Variants in RBPJ observed in about 807,000 individuals in gnomAD.
The protein encoded by RBPJ is recombining binding protein suppressor of hairless.
A neutral mutation model predicts 67.8 loss-of-function variants in RBPJ; 9 were observed. That is an observed-to-expected ratio of 0.13 (90% CI 0.08 to 0.23). The LOEUF is 0.23. Among genes scored for constraint, RBPJ ranks in the 10% least tolerant of loss-of-function variants. The pLI is 1.00. For synonymous variants in RBPJ, 198 were observed against 203.3 expected (o/e 0.97, Z 0.22); for missense variants, 305 against 595.6 (o/e 0.51, Z 5.08).
At chr4:26,135,714 G>A in the RBPJ span, among the ~76,000 whole-genome samples, 76,698 of 151,882 alleles carry the variant, frequency 0.5, 19,412 homozygotes, top group East Asian at 0.59. Flanking sequence ...TGAGGAGGAA[G>A]GGATGCTCAT....
At chr4:26,387,139 C>T (rs1365459066) in intron 2 of RBPJ, among the ~76,000 whole-genome samples, 1 of 152,116 alleles carries the variant, frequency 6.6e-6, no homozygotes, top group Non-Finnish European at 1.5e-5. Context: ...TTAATGGCTC[C>T]ATGGTTTTTC....
chr4:26,391,304 T>C (rs1450970969), intron 2 of RBPJ, among the ~76,000 whole-genome samples: 1 of 152,224 alleles, frequency 6.6e-6, no homozygotes, highest in Non-Finnish European at 1.5e-5. Flanking sequence ...AAGTAGACCA[T>C]TGTGACAGAA....
chr4:26,243,743 C>A (rs1328527682), intron 1 of RBPJ, among the ~76,000 whole-genome samples: 1 of 152,124 alleles, frequency 6.6e-6, no homozygotes, highest in African/African-American at 2.4e-5. Context: ...TATAACTTGT[C>A]AGATTTTAGT....
At chr4:26,258,791 ATTATTTAT>A (rs140692847) in intron 1 of RBPJ, among the ~76,000 whole-genome samples, 8 of 148,588 alleles carry the variant, frequency 5.4e-5, no homozygotes, top group Middle Eastern at 6.9e-3. Flanking sequence ...ACATTTTTTT[ATTATTTAT>A]TTATTTATTT....
intron 1 of RBPJ, among the ~76,000 whole-genome samples, chr4:26,273,741 A>AGGT (rs1720987241): frequency 6.6e-6 from 1 of 152,104 alleles, no homozygotes; most frequent in African/African-American, 2.4e-5. Flanking sequence ...GGGAAGTGGG[A>AGGT]GGTCTGTTTG....
At chr4:26,321,007 T>A (rs1408912124), upstream of RBPJ, 1 of 1,611,936 alleles carries the variant, frequency 6.2e-7, no homozygotes, top group Non-Finnish European at 8.5e-7. Flanking sequence ...AGGGTTGGAG[T>A]TTTGGCGAGA....
chr4:26,321,094 G>A, intron 1 of RBPJ, 46 bp downstream of exon 1: 3 of 1,480,178 alleles, frequency 2.0e-6, no homozygotes, highest in African/African-American at 1.4e-5. Flanking sequence ...AAAGTTGCGG[G>A]CGTCTGGCAG....
At chr4:26,194,284 C>T (rs1717673689) in intron 1 of RBPJ, among the ~76,000 whole-genome samples, 1 of 152,158 alleles carries the variant, frequency 6.6e-6, no homozygotes, top group Admixed American at 6.5e-5. Flanking sequence ...GAATCTGGTA[C>T]ATTTGAGCCC....
At chr4:26,320,670 C>T (rs999292419), upstream of RBPJ, 5 of 1,465,482 alleles carry the variant, frequency 3.4e-6, no homozygotes, top group African/African-American at 5.7e-5. Context: ...ATTCCTCGTC[C>T]CCGTAGTAAT....
At chr4:26,418,173 T>G (rs1471539503) in intron 4 of RBPJ, among the ~76,000 whole-genome samples, 1 of 152,232 alleles carries the variant, frequency 6.6e-6, no homozygotes, top group African/African-American at 2.4e-5. Context: ...CTTCTTTCTT[T>G]CAGGGAAATG....
chr4:26,173,002 G>A (rs1716650730), intron 1 of RBPJ, among the ~76,000 whole-genome samples: 1 of 152,164 alleles, frequency 6.6e-6, no homozygotes, highest in African/African-American at 2.4e-5. Flanking sequence ...CTGTCAGATT[G>A]TTTTCCTACT....
intron 1 of RBPJ, among the ~76,000 whole-genome samples, chr4:26,257,904 C>T (rs908631458): frequency 3.9e-5 from 6 of 152,184 alleles, no homozygotes; most frequent in African/African-American, 1.4e-4. Context: ...ATGATATCAG[C>T]AGTGGTTGAA....
chr4:26,312,107 C>A (rs1449315785), intron 1 of RBPJ, among the ~76,000 whole-genome samples: 1 of 152,048 alleles, frequency 6.6e-6, no homozygotes, highest in Non-Finnish European at 1.5e-5. Flanking sequence ...AGGACCACAG[C>A]TCTACCAGGG....
At chr4:26,108,029 C>G in the RBPJ span, among the ~76,000 whole-genome samples, 2 of 152,206 alleles carry the variant, frequency 1.3e-5, no homozygotes, top group African/African-American at 4.8e-5. Flanking sequence ...TTCTGTTGAG[C>G]CATTTACATT....
intron 1 of RBPJ, among the ~76,000 whole-genome samples, chr4:26,345,012 G>A (rs1228299197): frequency 6.6e-6 from 1 of 152,028 alleles, no homozygotes; most frequent in African/African-American, 2.4e-5. Flanking sequence ...ATTTAGTCTC[G>A]TTCTTCCTAC....
At chr4:26,406,410 C>T in intron 3 of RBPJ, 140 bp downstream of exon 3, 1 of 606,404 alleles carries the variant, frequency 1.6e-6, no homozygotes, top group Non-Finnish European at 3.0e-6. Flanking sequence ...GGATTTGTCT[C>T]CTGAAGGGGA....
upstream of RBPJ, among the ~76,000 whole-genome samples, chr4:26,316,832 T>TG (rs1398352327): frequency 3.7e-5 from 5 of 134,430 alleles, 1 homozygote; most frequent in African/African-American, 1.4e-4. Flanking sequence ...GACGACTTTT[T>TG]TTTTTTTTTT....
intron 1 of RBPJ, among the ~76,000 whole-genome samples, chr4:26,194,248 A>G (rs1717672702): frequency 6.6e-6 from 1 of 152,172 alleles, no homozygotes; most frequent in Non-Finnish European, 1.5e-5. Flanking sequence ...CCCATTGGAT[A>G]GTTGACACTA....
rs1270632353 is a variant in RBPJ, at chr4:26,434,847, A to G, written c.*3840A>G. The G allele has an allele frequency of 6.6e-6, 1 of 152,270 alleles. No individual in the cohort carries two copies. The highest frequency in any genetic ancestry group is 1.5e-5 in the Non-Finnish European group (1 of 68,048). 9.4% of individuals were successfully genotyped at this position (152,270 alleles called of 1,614,324 possible). A position where few individuals can be genotyped will look rare whatever the true frequency, so the allele number is the denominator to read the frequency against. On this transcript the variant is annotated 3_prime_UTR_variant, in exon 11 of 11. Coordinates refer to ENST00000355476, the MANE Select transcript of RBPJ (RefSeq NM_015874.6). ...AGAAAAAAAGAATCTGCTCAGTTCCATATTTCATCCGTGAAAAACTTGCAA... is the reference window on the plus strand; with the variant it reads ...AGAAAAAAAGAATCTGCTCAGTTCCGTATTTCATCCGTGAAAAACTTGCAA...
Sources: allele counts gnomAD v4.1 joint callset (sites outside exome capture counted in the v4.1 genomes callset), GRCh38; gene constraint gnomAD v4.1.1; transcripts MANE v1.5; gene names NCBI Gene and HGNC (gene_info 2026-07-23, HGNC 2026-07-21).